TNK1: variants seen among roughly 807,000 people sequenced by gnomAD.
TNK1 encodes the protein tyrosine kinase non receptor 1.
A neutral mutation model predicts 65.2 loss-of-function variants in TNK1; 53 were observed. The ratio of observed to expected loss-of-function variants is 0.81; its 90% CI spans 0.65 to 1.02. The LOEUF is 1.02. Among genes scored for constraint, TNK1 ranks in the 50% least tolerant of loss-of-function variants. The probability of loss-of-function intolerance (pLI) is 0.00; values close to 1 mark genes in which losing one functional copy is unlikely to be tolerated. For synonymous variants in TNK1, 353 were observed against 364.6 expected, an observed-to-expected ratio of 0.97 and a Z score of 0.36; for missense variants, 837 against 878.4, an observed-to-expected ratio of 0.95 and a Z score of 0.60.
rs1405633817 is a variant in TNK1, at chr17:7,384,577, C to G, written c.960C>G (p.Gly320=). 1 of 1,611,790 alleles carries G rather than the reference C, an allele frequency of 6.2e-7. No homozygotes were observed. The highest frequency in any genetic ancestry group is 8.5e-7 in the Non-Finnish European group (1 of 1,179,046). Residue 320 remains glycine (G), a synonymous_variant, in exon 7 of 13, where the codon GGC becomes GGG. Transcript: ENST00000688331. ...CGCTGTGGGAGATGTTCTCCGGGGG[C>G]GAGGAACCCTGGGCCGGGGTCCCAC... ...GVTLWEMFSG[G]EEPWAGVPPY...
chr17:7,383,465 T>C lies in TNK1; in HGVS notation c.275T>C (p.Leu92Pro). The C allele has an allele frequency of 3.7e-6, 6 of 1,613,916 alleles. No individual in the cohort carries two copies. The highest frequency in any genetic ancestry group is 5.1e-6 in the Non-Finnish European group (6 of 1,179,862). The change falls in exon 4 of 13, where the codon CTG becomes CCG. Residue 92 changes from leucine to proline, a missense_variant. Leu to Pro is a moderately conservative substitution (Grantham distance 98). Coordinates refer to ENST00000688331, the MANE Select transcript of TNK1 (RefSeq NM_003985.6). ...GCCCCTGAGCACAAGGAGCCCACCC[T>C]GCCCTCGGACAGCCCACGGCACCTC... ...GFAPEHKEPT[L>P]PSDSPRHLPE...
In TNK1 at chr17:7,388,282, A is replaced by G. The variant is rs1234650968; in HGVS notation, c.1478-124A>G. On this transcript the variant is annotated intron_variant, in intron 10 of 12. Transcript: ENST00000688331. This position sits in a 1 kb window ranked among gnomAD's most constrained non-coding sequence, Gnocchi z 4.5. ...CTCTACAAAAATACAAAAATTAGCCAGTCGTAATGGCAGGCACCTATAGTC... is the reference window on the plus strand; with the variant it reads ...CTCTACAAAAATACAAAAATTAGCCGGTCGTAATGGCAGGCACCTATAGTC... 1 of 984,654 alleles carries G rather than the reference A, an allele frequency of 1.0e-6. No homozygotes were observed. The highest frequency in any genetic ancestry group is 1.5e-6 in the Non-Finnish European group (1 of 678,012). The allele number at this position is 984,654 out of a possible 1,614,324, so 61.0% of individuals were successfully genotyped here. A position where few individuals can be genotyped will look rare whatever the true frequency, so the allele number is the denominator to read the frequency against.
In TNK1 at chr17:7,388,696, A is replaced by T. The variant is rs1567649046; in HGVS notation, c.1768A>T (p.Ile590Phe). Residue 590 changes from isoleucine (I) to phenylalanine (F), a missense_variant, in exon 11 of 13, where the codon ATT (isoleucine) becomes TTT (phenylalanine). Physicochemically the swap from Ile to Phe is conservative, Grantham distance 21. Coordinates refer to ENST00000688331, the MANE Select transcript of TNK1 (RefSeq NM_003985.6). The surrounding 1 kb of genome is among the most constrained non-coding windows in gnomAD (Gnocchi z 4.5). Reference protein sequence around the residue: ...LLSDPELQRKIMEVELSVHGV... With the variant: ...LLSDPELQRKFMEVELSVHGV... ...GTCCGATCCTGAGTTGCAGAGGAAG[A>T]TTATGGAGGTGAGGTCTCACTGAAA... 6 of 1,612,886 alleles carry T rather than the reference A, an allele frequency of 3.7e-6. No individual in the cohort carries two copies. In the South Asian group the frequency reaches 6.6e-5, roughly 18 times the overall value.
Position 7,383,827 on chromosome 17 carries a change from G to A in TNK1, c.545G>A (p.Arg182His), listed in dbSNP as rs567049969. ...AACTTGGAGCACCCACACGTGCTGC[G>A]TCTGCACGGCCTTGTACTGGGCCAG... The part of the protein sequence containing the change: ...MMNLEHPHVL[R>H]LHGLVLGQPL... Residue 182 changes from arginine to histidine, a missense_variant, in exon 5 of 13, where the codon CGT (arginine) becomes CAT (histidine). Coordinates refer to ENST00000688331, the MANE Select transcript of TNK1 (RefSeq NM_003985.6). 3.0e-5 allele frequency: 48 copies of A among 1,612,202 alleles called. No individual in the cohort carries two copies. Among genetic ancestry groups the A allele is most frequent in the African/African-American group, 8.0e-5 (6 of 75,046 alleles).
upstream of TNK1, among the ~76,000 whole-genome samples, chr17:7,380,299 A>G (rs909779917): frequency 1.3e-5 from 2 of 152,132 alleles, no homozygotes; most frequent in African/African-American, 2.4e-5. Context: ...AGATGTCCTA[A>G]GACTGGCAGC....
At chr17:7,386,223 GC>G (rs1905170661) in intron 7 of TNK1, among the ~76,000 whole-genome samples, 1 of 152,170 alleles carries the variant, frequency 6.6e-6, no homozygotes, top group Admixed American at 6.5e-5. Flanking sequence ...GAGGGTAGAG[GC>G]GGTGGGGCTG....
chr17:7,382,907 T>C lies in TNK1; in HGVS notation c.-20T>C. Reference sequence around the variant, plus strand: ...ATCTGAAGGAGAGTGCCATCATCCTTAGGAACTCCTTCTCCAGACATGCTT... The same window carrying C: ...ATCTGAAGGAGAGTGCCATCATCCTCAGGAACTCCTTCTCCAGACATGCTT... On this transcript the variant is annotated 5_prime_UTR_variant, in exon 2 of 13. Transcript: ENST00000688331. This position sits in a 1 kb window ranked among gnomAD's most constrained non-coding sequence, Gnocchi z 4.1. 1.2e-6 allele frequency: 2 copies of C among 1,613,154 alleles called. No homozygotes were observed. Among genetic ancestry groups the C allele is most frequent in the Non-Finnish European group, 1.7e-6 (2 of 1,179,394 alleles).
chr17:7,383,353 G>A, intron 3 of TNK1, 33 bp downstream of exon 3: 2 of 1,614,022 alleles, frequency 1.2e-6, no homozygotes, highest in Non-Finnish European at 1.7e-6. Flanking sequence ...TTGGGCCTGG[G>A]AATGAGGTGG....
At chr17:7,386,836 C>A in intron 8 of TNK1, 154 bp from the exon 9 acceptor site, 1 of 1,183,454 alleles carries the variant, frequency 8.4e-7, no homozygotes, top group Non-Finnish European at 1.2e-6. Flanking sequence ...CCACTGCTGG[C>A]CCATAGAGCC....
At chr17:7,383,347 G>A (rs201650687) in intron 3 of TNK1, 27 bp downstream of exon 3, 3 of 1,613,878 alleles carry the variant, frequency 1.9e-6, no homozygotes, top group Non-Finnish European at 2.5e-6. Context: ...GGCAGCTTGG[G>A]CCTGGGAATG....
At chr17:7,385,860 C>T (rs139339344) in intron 7 of TNK1, among the ~76,000 whole-genome samples, 14 of 152,278 alleles carry the variant, frequency 9.2e-5, no homozygotes, top group African/African-American at 2.4e-4. Flanking sequence ...CCACCGTGCC[C>T]GGCCTGGATG....
intron 3 of TNK1, 33 bp from the exon 4 acceptor site, chr17:7,383,392 C>T (rs1253057869): frequency 6.2e-7 from 1 of 1,613,794 alleles, no homozygotes; most frequent in Admixed American, 1.7e-5. Flanking sequence ...GGGCGCAGGG[C>T]TCTGCATACC....
In TNK1 at chr17:7,388,593, C is replaced by T; in HGVS notation, c.1665C>T (p.Pro555=). ...SQPSRERLPW[P]KRKPPHNHPM... is the part of the protein sequence containing the mutation. ...CCTCTAGGGAGAGGCTTCCCTGGCC[C>T]AAAAGAAAACCCCCACACAATCACC... is the stretch of plus-strand genomic sequence containing the variant. The change falls in exon 11 of 13, where the codon CCC becomes CCT. Residue 555 remains proline (P), a synonymous_variant. Transcript: ENST00000688331. This position sits in a 1 kb window ranked among gnomAD's most constrained non-coding sequence, Gnocchi z 4.5. 1 of 1,613,954 alleles carries T rather than the reference C, an allele frequency of 6.2e-7. No individual in the cohort carries two copies. The highest frequency in any genetic ancestry group is 8.5e-7 in the Non-Finnish European group (1 of 1,179,896).
chr17:7,383,369 G>A (rs1399826637), intron 3 of TNK1, 49 bp downstream of exon 3: 2 of 1,613,942 alleles, frequency 1.2e-6, no homozygotes, highest in South Asian at 2.2e-5. Flanking sequence ...GGTGGCTTGA[G>A]GGGCAGGGAG....
In TNK1 at chr17:7,384,009, C is replaced by T. The variant is rs1365291968; in HGVS notation, c.622C>T (p.Leu208=). 4 of 1,498,314 alleles carry T rather than the reference C, an allele frequency of 2.7e-6. No individual in the cohort carries two copies. Among genetic ancestry groups the T allele is most frequent in the Admixed American group, 2.2e-5 (1 of 45,748 alleles). The allele number at this position is 1,498,314 out of a possible 1,614,324, so 92.8% of individuals were successfully genotyped here. Residue 208 remains leucine (L), a synonymous_variant, in exon 6 of 13, where the codon CTA becomes TTA. Coordinates refer to ENST00000688331, the MANE Select transcript of TNK1 (RefSeq NM_003985.6). The part of the protein sequence containing the change: ...LAPLGSLHAR[L]TAPAPTPPLL... ...GCCACTGGGCTCCCTGCACGCGCGC[C>T]TAACGGCCCCGGCCCCGACACCCCC...
rs749026699 is a variant in TNK1, at chr17:7,388,254, C to T, written c.1478-152C>T. ...CAGCCTGGGCAATGTGCCGAAACCC[C>T]TTCTCTACAAAAATACAAAAATTAG... On this transcript the variant is annotated intron_variant, in intron 10 of 12. Coordinates refer to ENST00000688331, the MANE Select transcript of TNK1 (RefSeq NM_003985.6). This position sits in a 1 kb window ranked among gnomAD's most constrained non-coding sequence, Gnocchi z 4.5. Among the ~76,000 whole-genome samples the T allele has an allele frequency of 6.6e-6, 1 of 152,184 alleles. No homozygotes were observed. The highest frequency in any genetic ancestry group is 2.1e-4 in the South Asian group (1 of 4,828).
At position 7,383,820 on chromosome 17, in the gene TNK1, G is replaced by T; in HGVS notation, c.538G>T (p.Val180Leu). ...CATGATGAACTTGGAGCACCCACAC[G>T]TGCTGCGTCTGCACGGCCTTGTACT... ...SVMMNLEHPH[V>L]LRLHGLVLGQ... The change falls in exon 5 of 13, where the codon GTG (valine) becomes TTG (leucine). Residue 180 changes from valine to leucine, a missense_variant. Transcript: ENST00000688331. 1 of 1,612,676 alleles carries T rather than the reference G, an allele frequency of 6.2e-7. No homozygotes were observed. The highest frequency in any genetic ancestry group is 8.5e-7 in the Non-Finnish European group (1 of 1,179,422).
At position 7,382,728 on chromosome 17, in the gene TNK1, G is replaced by T. The variant is rs202054354; in HGVS notation, c.-91-108G>T. The stretch of plus-strand genomic sequence containing the variant: ...GAAGGGACAGAGTACCCGGATGCCT[G>T]GGCACGGGGAACATTCTATCTGGGA... On this transcript the variant is annotated intron_variant, in intron 1 of 12. Transcript: ENST00000688331. The surrounding 1 kb of genome is among the most constrained non-coding windows in gnomAD (Gnocchi z 4.1). 1.7e-6 allele frequency: 1 copy of T among 594,978 alleles called. No individual in the cohort carries two copies. Among genetic ancestry groups the T allele is most frequent in the Non-Finnish European group, 2.9e-6 (1 of 345,944 alleles). 36.9% of individuals were successfully genotyped at this position (594,978 alleles called of 1,614,324 possible).
rs1189554756 is a variant in TNK1 at position 7,388,859 on chromosome 17, G to A, written c.1848G>A (p.Val616=). 8 of 1,603,082 alleles carry A rather than the reference G, an allele frequency of 5.0e-6. No individual in the cohort carries two copies. The Admixed American group carries it at 1.4e-4, about 28-fold the overall frequency. Residue 616 remains valine (V), a synonymous_variant, in exon 12 of 13, where the codon GTG becomes GTA. Coordinates refer to ENST00000688331, the MANE Select transcript of TNK1 (RefSeq NM_003985.6). This position sits in a 1 kb window ranked among gnomAD's most constrained non-coding sequence, Gnocchi z 4.5. ...QTALGATGGD[V]VSAIRNLKVD... The stretch of plus-strand genomic sequence containing the variant: ...CACTAGGAGCCACTGGGGGAGATGT[G>A]GTTTCTGCCATCCGGAACCTCAAGG...
Sources: allele counts gnomAD v4.1 joint callset (sites outside exome capture counted in the v4.1 genomes callset), GRCh38; gene constraint gnomAD v4.1.1; non-coding constraint Gnocchi (gnomAD v3.1); transcripts MANE v1.5; gene names NCBI Gene and HGNC (gene_info 2026-07-23, HGNC 2026-07-21).